Variants in CALN1 observed in about 807,000 individuals in gnomAD.
CALN1 encodes the protein calcium-binding protein 8.
In CALN1, 17 loss-of-function variants were observed where a neutral mutation model predicts 30.6. The ratio of observed to expected loss-of-function variants is 0.56; its 90% confidence interval spans 0.38 to 0.83. The LOEUF is 0.83. Ranked by LOEUF, CALN1 falls within the 40% of genes least tolerant of loss-of-function variation. The pLI is 0.00. For synonymous variants in CALN1, 156 were observed against 131.4 expected (o/e 1.19, Z -1.28); for missense variants, 291 against 354.9 (o/e 0.82, Z 1.45).
At chr7:71,825,391 CT>C (rs1282845685) in intron 5 of CALN1, among the ~76,000 whole-genome samples, 1 of 152,128 alleles carries the variant, frequency 6.6e-6, no homozygotes, top group African/African-American at 2.4e-5. Flanking sequence ...GGGTTTCCCC[CT>C]TTTGCTTGTC....
chr7:72,052,726 C>A (rs1163543590), intron 4 of CALN1, among the ~76,000 whole-genome samples: 1 of 152,164 alleles, frequency 6.6e-6, no homozygotes, highest in Admixed American at 6.5e-5. Context: ...ACTTCAGTCT[C>A]AGAAATGACA....
intron 5 of CALN1, among the ~76,000 whole-genome samples, chr7:71,946,480 G>A (rs544154105): frequency 1.5e-4 from 22 of 150,438 alleles, no homozygotes; most frequent in African/African-American, 5.1e-4. Flanking sequence ...TGATCCTCCT[G>A]CCTCAGCCTC....
chr7:72,394,806 G>A (rs1165823981), intron 2 of CALN1, among the ~76,000 whole-genome samples: 2 of 151,440 alleles, frequency 1.3e-5, no homozygotes, highest in Non-Finnish European at 2.9e-5. Context: ...AGACTACAAG[G>A]GTACCAACAT....
At chr7:71,909,949 G>A (rs1350043972) in intron 5 of CALN1, among the ~76,000 whole-genome samples, 1 of 152,186 alleles carries the variant, frequency 6.6e-6, no homozygotes, top group African/African-American at 2.4e-5. Context: ...CATGGCTGGG[G>A]AGGCCTCCCA....
intron 2 of CALN1, among the ~76,000 whole-genome samples, chr7:72,339,025 A>T (rs1345519755): frequency 7.3e-6 from 1 of 137,666 alleles, no homozygotes; most frequent in Admixed American, 8.5e-5. Flanking sequence ...CCATGAGTTC[A>T]ATTGTTTTGA....
At chr7:72,190,049 A>C (rs1464119059) in intron 3 of CALN1, among the ~76,000 whole-genome samples, 1 of 152,036 alleles carries the variant, frequency 6.6e-6, no homozygotes, top group East Asian at 1.9e-4. Flanking sequence ...ATGGTGGGTA[A>C]ACAAACAAAC....
At chr7:72,121,398 TATATA>T (rs1403198205) in intron 3 of CALN1, among the ~76,000 whole-genome samples, 3 of 146,294 alleles carry the variant, frequency 2.1e-5, no homozygotes, top group Non-Finnish European at 3.0e-5. Context: ...ATATAGATGT[TATATA>T]ATATGTACTA....
At chr7:72,437,297 G>T (rs1318948349) in intron 1 of CALN1, among the ~76,000 whole-genome samples, 5 of 152,132 alleles carry the variant, frequency 3.3e-5, no homozygotes, top group Non-Finnish European at 5.9e-5. Flanking sequence ...AAGAACACAG[G>T]CTGGACACTC....
intron 2 of CALN1, among the ~76,000 whole-genome samples, chr7:72,386,402 T>C (rs567048220): frequency 2.6e-5 from 4 of 152,290 alleles, no homozygotes; most frequent in Non-Finnish European, 5.9e-5. Flanking sequence ...GAAAACTCAC[T>C]GCAAAGGAAC....
At chr7:71,922,977 T>C (rs1267711606) in intron 5 of CALN1, among the ~76,000 whole-genome samples, 1 of 148,874 alleles carries the variant, frequency 6.7e-6, no homozygotes, top group African/African-American at 2.5e-5. Context: ...TGTATCCATC[T>C]ATCTCTATGT....
At chr7:72,371,850 A>AC (rs1436622750) in intron 2 of CALN1, among the ~76,000 whole-genome samples, 1 of 152,084 alleles carries the variant, frequency 6.6e-6, no homozygotes, top group East Asian at 1.9e-4. Flanking sequence ...AGCATGTTCC[A>AC]CCCTTGCTCT....
intron 3 of CALN1, among the ~76,000 whole-genome samples, chr7:72,209,198 C>G (rs200445413): frequency 1.3e-5 from 1 of 74,148 alleles, no homozygotes; most frequent in Non-Finnish European, 2.7e-5. Flanking sequence ...CTTTCCTTCC[C>G]TCCTTCCCTC....
intron 2 of CALN1, among the ~76,000 whole-genome samples, chr7:72,372,679 A>C (rs1804316480): frequency 6.6e-6 from 1 of 152,212 alleles, no homozygotes; most frequent in Non-Finnish European, 1.5e-5. Flanking sequence ...GCAATGCAAA[A>C]GCTTTGGAAA....
At chr7:72,108,015 A>C (rs1382639573) in intron 3 of CALN1, among the ~76,000 whole-genome samples, 1 of 152,192 alleles carries the variant, frequency 6.6e-6, no homozygotes, top group African/African-American at 2.4e-5. Context: ...AAGACAATAG[A>C]AATCTATTCT....
At chr7:72,400,585 C>G (rs1806274318) in intron 2 of CALN1, among the ~76,000 whole-genome samples, 1 of 152,144 alleles carries the variant, frequency 6.6e-6, no homozygotes, top group Non-Finnish European at 1.5e-5. Flanking sequence ...AAGAAGGAAT[C>G]AAGGCCAGGC....
chr7:72,045,246 C>A (rs549209737), intron 4 of CALN1, among the ~76,000 whole-genome samples: 5 of 152,164 alleles, frequency 3.3e-5, no homozygotes, highest in Non-Finnish European at 7.3e-5. Flanking sequence ...TAGGAAGAGT[C>A]GTGAACAGCA....
intron 2 of CALN1, among the ~76,000 whole-genome samples, chr7:72,362,701 G>A (rs924632900): frequency 2.0e-5 from 3 of 152,032 alleles, no homozygotes; most frequent in African/African-American, 4.8e-5. Context: ...CCACCCCCAG[G>A]ATATTCCTCT....
At chr7:72,421,493 A>G (rs1807606222) in intron 1 of CALN1, among the ~76,000 whole-genome samples, 1 of 147,622 alleles carries the variant, frequency 6.8e-6, no homozygotes, top group Non-Finnish European at 1.5e-5. Flanking sequence ...TTTTACATGA[A>G]CTCTCATGGT....
At chr7:72,291,831 C>G (rs1288724388) in intron 2 of CALN1, among the ~76,000 whole-genome samples, 2 of 152,080 alleles carry the variant, frequency 1.3e-5, no homozygotes, top group African/African-American at 4.8e-5. Flanking sequence ...AGGCTGGTCT[C>G]GAACTCCCAA....
Sources: gnomAD v4.1 joint callset for allele counts (sites outside exome capture counted in the v4.1 genomes callset) on GRCh38, gnomAD v4.1.1 for gene constraint, MANE v1.5 for transcripts, NCBI Gene and HGNC (gene_info 2026-07-23, HGNC 2026-07-21) for gene names.